The following TAF4 variants were observed in gnomAD, a reference collection of about 807,000 sequenced individuals.
TAF4 encodes the protein transcription initiation factor TFIID subunit 4.
TAF4 carries 9 observed loss-of-function variants against 90.3 expected under a neutral mutation model. That is an observed-to-expected ratio of 0.10 (90% CI 0.06 to 0.17). The LOEUF (loss-of-function observed/expected upper bound fraction) is 0.17. Among genes scored for constraint, TAF4 ranks in the 10% least tolerant of loss-of-function variants. TAF4 has a pLI of 1.00. For missense variants in TAF4, 1,351 were observed against 1,370.7 expected (o/e 0.99, Z 0.23); for synonymous variants, 818 against 638.9 (o/e 1.28, Z -4.23).
chr20:62,043,594 T>C (rs903083388), intron 1 of TAF4, among the ~76,000 whole-genome samples: 10 of 152,162 alleles, frequency 6.6e-5, no homozygotes, highest in African/African-American at 1.7e-4. Context: ...GCGCCATTCA[T>C]GGTGAGTGCC....
At chr20:62,018,913 G>A (rs570039572) in intron 1 of TAF4, among the ~76,000 whole-genome samples, 70 of 152,300 alleles carry the variant, frequency 4.6e-4, no homozygotes, top group Non-Finnish European at 8.1e-4. Flanking sequence ...CAGGAAGCTG[G>A]GGCCTGGGAC....
intron 1 of TAF4, among the ~76,000 whole-genome samples, chr20:62,020,147 C>T (rs541909571): frequency 1.8e-4 from 28 of 152,360 alleles, no homozygotes; most frequent in African/African-American, 6.7e-4. Context: ...TCCTGCTATG[C>T]AAGTCACTCC....
At chr20:62,045,680 A>G (rs1316709332) in intron 1 of TAF4, among the ~76,000 whole-genome samples, 1 of 152,248 alleles carries the variant, frequency 6.6e-6, no homozygotes, top group Non-Finnish European at 1.5e-5. Context: ...GTGTAAGGCT[A>G]CATAAGCTAT....
chr20:62,014,019 GGTGTGTGTGT>G (rs56759835), intron 2 of TAF4, among the ~76,000 whole-genome samples: 187 of 126,464 alleles, frequency 1.5e-3, no homozygotes, highest in Non-Finnish European at 2.3e-3. Flanking sequence ...CGGGGGTGTG[GGTGTGTGTGT>G]GTGTGTGTGT....
chr20:62,054,415 C>T (rs1247686736), intron 1 of TAF4, among the ~76,000 whole-genome samples: 1 of 152,194 alleles, frequency 6.6e-6, no homozygotes, highest in East Asian at 1.9e-4. Context: ...GAGGACTGCA[C>T]ACACAAGAGC....
chr20:61,982,198 C>CAGCAGAGACGAGACACCAAA (rs2055549857), intron 14 of TAF4, among the ~76,000 whole-genome samples: 1 of 106,704 alleles, frequency 9.4e-6, no homozygotes, highest in Non-Finnish European at 1.9e-5. Context: ...ACCCACACCC[C>CAGCAGAGACGAGACACCAAA]ACCCGAGAGG....
chr20:62,014,031 T>TGGGTGTGTGG (rs1568932207), intron 2 of TAF4, among the ~76,000 whole-genome samples: 15 of 141,568 alleles, frequency 1.1e-4, no homozygotes, highest in African/African-American at 4.2e-4. Context: ...TGTGTGTGTG[T>TGGGTGTGTGG]GTGTGTGTGT....
At chr20:61,985,825 T>C (rs1449548816) in intron 14 of TAF4, among the ~76,000 whole-genome samples, 2 of 151,928 alleles carry the variant, frequency 1.3e-5, no homozygotes, top group African/African-American at 4.8e-5. Flanking sequence ...AAGGCCTGGA[T>C]GCAGGGACAC....
At chr20:62,034,459 G>A (rs1285119833) in intron 1 of TAF4, among the ~76,000 whole-genome samples, 1 of 152,060 alleles carries the variant, frequency 6.6e-6, no homozygotes, top group African/African-American at 2.4e-5. Flanking sequence ...GAGTAGCTGG[G>A]ACTACAGGCA....
In TAF4 at chr20:62,003,113, C is replaced by T. The variant is rs1367159143; in HGVS notation, c.2486+47G>A. On this transcript the variant is annotated intron_variant, in intron 9 of 14. Coordinates refer to ENST00000252996, the MANE Select transcript of TAF4 (RefSeq NM_003185.4). ...GGAGCAGCACGGACTCTGGACTCTT[C>T]TCCGCTCTGGCCACGCTTCTCCAAC... is the stretch of plus-strand genomic sequence containing the variant. The T allele has an allele frequency of 3.2e-6, 5 of 1,544,180 alleles. No individual in the cohort carries two copies. The African/African-American group carries it at 6.8e-5, about 21-fold the overall frequency.
intron 1 of TAF4, among the ~76,000 whole-genome samples, chr20:62,062,064 T>C (rs2056091860): frequency 6.6e-6 from 1 of 152,242 alleles, no homozygotes; most frequent in South Asian, 2.1e-4. Flanking sequence ...GCCACCCGTC[T>C]GCTACTCCAC....
chr20:62,063,285 C>T (rs1008241651), intron 1 of TAF4, among the ~76,000 whole-genome samples: 1 of 152,234 alleles, frequency 6.6e-6, no homozygotes, highest in Admixed American at 6.5e-5. Context: ...TTCTGCAACC[C>T]TGTCAAAGTG....
At position 62,064,575 on chromosome 20, in the gene TAF4, C is replaced by T; in HGVS notation, c.1236G>A (p.Leu412=). 1 of 1,512,538 alleles carries T rather than the reference C, an allele frequency of 6.6e-7. No homozygotes were observed. 93.7% of individuals were successfully genotyped at this position (1,512,538 alleles called of 1,614,324 possible). Residue 412 remains leucine, a synonymous_variant, in exon 1 of 15, where the codon CTG becomes CTA. Transcript: ENST00000252996. ...KGAAGAVTQS[L]SRTPTATTSG... ...TGGTGGTGGCCGTGGGCGTCCGGGACAGGCTCTGGGTCACTGCGCCGGCCG... is the reference window on the plus strand; with the variant it reads ...TGGTGGTGGCCGTGGGCGTCCGGGATAGGCTCTGGGTCACTGCGCCGGCCG...
At chr20:62,035,909 CAGA>C (rs1467676837) in intron 1 of TAF4, among the ~76,000 whole-genome samples, 16 of 151,608 alleles carry the variant, frequency 1.1e-4, no homozygotes, top group South Asian at 2.1e-4. Flanking sequence ...AGACATTTCA[CAGA>C]AGGTTACCCA....
At chr20:62,041,055 G>T (rs1218281606) in intron 1 of TAF4, among the ~76,000 whole-genome samples, 2 of 152,218 alleles carry the variant, frequency 1.3e-5, no homozygotes, top group African/African-American at 4.8e-5. Context: ...CTCTGAGTAG[G>T]AAGCCGGACA....
chr20:61,982,664 C>CA (rs2055557325), intron 14 of TAF4, among the ~76,000 whole-genome samples: 1 of 127,598 alleles, frequency 7.8e-6, no homozygotes, highest in African/African-American at 3.0e-5. Flanking sequence ...GAGGAGACAC[C>CA]AAACCCACAC....
intron 2 of TAF4, among the ~76,000 whole-genome samples, chr20:62,013,571 TCCGGCACGTCCGTCCACGTCC>T (rs1361773826): frequency 6.6e-6 from 1 of 152,166 alleles, no homozygotes; most frequent in African/African-American, 2.4e-5. Flanking sequence ...TCTGGCAGCC[TCCGGCACGTCCGTCCACGTCC>T]CTGTCTATGG....
chr20:61,976,070 T>C lies in TAF4; in HGVS notation c.*98A>G. ...AAACAGGAATATAAAACTGTTCCAT[T>C]GTAAAGAGGTGGCTGTTTTTTAAAC... On this transcript the variant is annotated 3_prime_UTR_variant, in exon 15 of 15. Coordinates refer to ENST00000252996, the MANE Select transcript of TAF4 (RefSeq NM_003185.4). 7.6e-7 allele frequency: 1 copy of C among 1,310,346 alleles called. No individual in the cohort carries two copies. 81.2% of individuals were successfully genotyped at this position (1,310,346 alleles called of 1,614,324 possible). A position where few individuals can be genotyped will look rare whatever the true frequency, so the allele number is the denominator to read the frequency against.
intron 1 of TAF4, among the ~76,000 whole-genome samples, chr20:62,040,248 C>G (rs533718821): frequency 4.3e-4 from 66 of 152,234 alleles, no homozygotes; most frequent in Admixed American, 3.9e-4. Flanking sequence ...AACCAGATCA[C>G]CTGCGGTCCA....
Sources: allele counts gnomAD v4.1 joint callset (sites outside exome capture counted in the v4.1 genomes callset), GRCh38; gene constraint gnomAD v4.1.1; transcripts MANE v1.5; gene names NCBI Gene and HGNC (gene_info 2026-07-23, HGNC 2026-07-21).